FARS2: variants seen among roughly 807,000 people sequenced by gnomAD.
The protein encoded by FARS2 is phenylalanine--tRNA ligase, mitochondrial.
In FARS2, 40 loss-of-function variants were observed where a neutral mutation model predicts 46.4. The observed-to-expected ratio is 0.86, with a 90% CI of 0.67 to 1.12. The LOEUF is 1.12. Ranked by LOEUF, FARS2 falls within the 50% of genes most tolerant of loss-of-function variation. The pLI, the probability that FARS2 is intolerant of heterozygous loss-of-function variation, is 0.00. For synonymous variants in FARS2, 234 were observed against 214.9 expected (o/e 1.09, Z -0.78); for missense variants, 513 against 567.9 (o/e 0.90, Z 0.98).
rs567030394 is a variant in FARS2, at chr6:5,593,301, C to G, written c.1066-19868C>G. 1.1e-4 allele frequency among the ~76,000 whole-genome samples: 17 copies of G among 151,690 alleles called. No individual in the cohort carries two copies. The South Asian group carries it at 3.1e-3, about 28-fold the overall frequency. Reference sequence around the variant, plus strand: ...ATGAAGGAACTGCACCTCCCGCCCCCACCGGCCTCTGCTGGTGCCTTTCCA... The same window carrying G: ...ATGAAGGAACTGCACCTCCCGCCCCGACCGGCCTCTGCTGGTGCCTTTCCA... On this transcript the variant is annotated intron_variant, in intron 5 of 6. Coordinates refer to ENST00000274680, the MANE Select transcript of FARS2 (RefSeq NM_006567.5).
chr6:5,396,190 C>T (rs1760888341), intron 2 of FARS2, among the ~76,000 whole-genome samples: 1 of 152,160 alleles, frequency 6.6e-6, no homozygotes, highest in Non-Finnish European at 1.5e-5. Flanking sequence ...TTAAAAGGTA[C>T]TGAGAGATTT....
At chr6:5,667,019 G>A (rs1004841863) in intron 6 of FARS2, among the ~76,000 whole-genome samples, 4 of 152,140 alleles carry the variant, frequency 2.6e-5, no homozygotes, top group Admixed American at 2.6e-4. Context: ...GCTAAATGTT[G>A]CAAACACATG....
At chr6:5,436,643 G>T (rs2127779299) in intron 4 of FARS2, among the ~76,000 whole-genome samples, 1 of 152,342 alleles carries the variant, frequency 6.6e-6, no homozygotes, top group South Asian at 2.1e-4. Flanking sequence ...ATGTCTGTCA[G>T]TTGGATCAGT....
At chr6:5,533,122 G>A (rs1023689152) in intron 4 of FARS2, among the ~76,000 whole-genome samples, 1 of 152,028 alleles carries the variant, frequency 6.6e-6, no homozygotes, top group Non-Finnish European at 1.5e-5. Context: ...TAAGATCCTG[G>A]GCCTCAGGGG....
At chr6:5,285,320 G>A (rs1767030986) in intron 1 of FARS2, among the ~76,000 whole-genome samples, 1 of 152,164 alleles carries the variant, frequency 6.6e-6, no homozygotes. Context: ...AGAAGGGGAG[G>A]AAGGCAGGAT....
At chr6:5,416,481 C>G (rs371926760) in intron 3 of FARS2, among the ~76,000 whole-genome samples, 2 of 152,192 alleles carry the variant, frequency 1.3e-5, no homozygotes, top group South Asian at 2.1e-4. Context: ...CTATTCTGTT[C>G]CATGCATCTG....
intron 4 of FARS2, among the ~76,000 whole-genome samples, chr6:5,522,061 A>G (rs1391637128): frequency 8.5e-5 from 13 of 152,344 alleles, no homozygotes; most frequent in Admixed American, 2.6e-4. Flanking sequence ...TAGTCAGGAT[A>G]GTCTAGGCCG....
At chr6:5,720,380 CATCAGTTTTCCAGATGTTAATTG>C (rs1160241158) in intron 6 of FARS2, among the ~76,000 whole-genome samples, 54 of 152,282 alleles carry the variant, frequency 3.5e-4, no homozygotes, top group Admixed American at 1.1e-3. Flanking sequence ...AAAACAAACA[CATCAGTTTTCCAGATGTTAATTG>C]ATCAGTTTTC....
At chr6:5,400,912 T>G (rs141693225) in intron 2 of FARS2, among the ~76,000 whole-genome samples, 1 of 152,134 alleles carries the variant, frequency 6.6e-6, no homozygotes, top group East Asian at 1.9e-4. Flanking sequence ...CTTTTAGCAT[T>G]AATACAAGAT....
intron 6 of FARS2, among the ~76,000 whole-genome samples, chr6:5,695,758 A>C (rs1758063268): frequency 6.6e-6 from 1 of 152,228 alleles, no homozygotes; most frequent in Non-Finnish European, 1.5e-5. Flanking sequence ...ATAAAGGAAA[A>C]GAGTGATTAA....
At chr6:5,705,386 C>G (rs540951542) in intron 6 of FARS2, among the ~76,000 whole-genome samples, 41 of 152,212 alleles carry the variant, frequency 2.7e-4, no homozygotes, top group African/African-American at 9.7e-4. Flanking sequence ...AAATGAGTTG[C>G]ATGCGCCATG....
chr6:5,517,248 A>G (rs1224900599), intron 4 of FARS2, among the ~76,000 whole-genome samples: 1 of 152,242 alleles, frequency 6.6e-6, no homozygotes, highest in Non-Finnish European at 1.5e-5. Flanking sequence ...GTCCATAGCC[A>G]CTGGCCACAT....
chr6:5,697,684 T>G (rs1215417007), intron 6 of FARS2, among the ~76,000 whole-genome samples: 2 of 152,214 alleles, frequency 1.3e-5, no homozygotes, highest in Non-Finnish European at 2.9e-5. Flanking sequence ...GATTCACCTT[T>G]GAAGTAGTTT....
At chr6:5,702,828 A>T (rs1165562846) in intron 6 of FARS2, among the ~76,000 whole-genome samples, 1 of 152,114 alleles carries the variant, frequency 6.6e-6, no homozygotes, top group Admixed American at 6.5e-5. Context: ...TAAGAGAATG[A>T]GGAGGGAGGC....
chr6:5,729,461 A>G (rs1309757660), intron 6 of FARS2, among the ~76,000 whole-genome samples: 2 of 152,194 alleles, frequency 1.3e-5, no homozygotes, highest in African/African-American at 4.8e-5. Flanking sequence ...GAAATGGGCA[A>G]AGGCAGCTGA....
At position 5,765,978 on chromosome 6, in the gene FARS2, C is replaced by T. The variant is rs17141250; in HGVS notation, c.1218-5313C>T. Among the ~76,000 whole-genome samples the T allele has an allele frequency of 6.5e-4, 99 of 152,284 alleles. No homozygotes were observed. Among genetic ancestry groups the T allele is most frequent in the African/African-American group, 2.3e-3 (97 of 41,550 alleles). On this transcript the variant is annotated intron_variant, in intron 6 of 6. Coordinates refer to ENST00000274680, the MANE Select transcript of FARS2 (RefSeq NM_006567.5). This position sits in a 1 kb window ranked among gnomAD's most constrained non-coding sequence, Gnocchi z 4.0. ...CAAAATCTTTAAAAAAAATCAAACT[C>T]TATCCAGTGACCAACTCATTTTAGC...
intron 4 of FARS2, among the ~76,000 whole-genome samples, chr6:5,440,509 T>C (rs1763780958): frequency 6.6e-6 from 1 of 152,232 alleles, no homozygotes; most frequent in Non-Finnish European, 1.5e-5. Flanking sequence ...TTTATAAAAG[T>C]GGAATTACTG....
At chr6:5,651,596 A>G (rs1009229524) in intron 6 of FARS2, among the ~76,000 whole-genome samples, 31 of 152,246 alleles carry the variant, frequency 2.0e-4, no homozygotes, top group Admixed American at 1.3e-4. Flanking sequence ...GGATCTGTTC[A>G]GACTGGAGCA....
At chr6:5,590,238 C>T (rs1380756943) in intron 5 of FARS2, among the ~76,000 whole-genome samples, 4 of 152,098 alleles carry the variant, frequency 2.6e-5, no homozygotes, top group Non-Finnish European at 4.4e-5. Context: ...TTTTATAGAG[C>T]GAGATAAACA....
Sources: allele counts gnomAD v4.1 joint callset (sites outside exome capture counted in the v4.1 genomes callset), GRCh38; gene constraint gnomAD v4.1.1; non-coding constraint Gnocchi (gnomAD v3.1); transcripts MANE v1.5; gene names NCBI Gene and HGNC (gene_info 2026-07-23, HGNC 2026-07-21).